Variants in PYGB observed in about 807,000 individuals in gnomAD.
PYGB encodes glycogen phosphorylase, brain form.
In PYGB, 82 loss-of-function variants were observed where a neutral mutation model predicts 94.3. The observed-to-expected ratio is 0.87, with a 90% CI of 0.73 to 1.04. PYGB has a LOEUF of 1.04. Ranked by LOEUF, PYGB falls within the 50% of genes least tolerant of loss-of-function variation. The pLI is 0.00. For synonymous variants in PYGB, 488 were observed against 479.1 expected (o/e 1.02, Z -0.24); for missense variants, 1,132 against 1,158.2 (o/e 0.98, Z 0.33).
rs746706246 is a variant in PYGB at position 25,290,502 on chromosome 20, G to T, written c.1849G>T (p.Ala617Ser). Reference sequence around the variant, plus strand: ...CCAGGCAGCGCCCGGTTACCACATGGCCAAGCTGATCATCAAGTTGGTCAC... The same window carrying T: ...CCAGGCAGCGCCCGGTTACCACATGTCCAAGCTGATCATCAAGTTGGTCAC... ...GGKAAPGYHM[A>S]KLIIKLVTSI... The change falls in exon 16 of 20, where the codon GCC becomes TCC. Residue 617 changes from alanine (A) to serine (S), a missense_variant. Physicochemically the swap from Ala to Ser is moderately conservative, Grantham distance 99 (BLOSUM62 1). Transcript: ENST00000216962. 1 of 1,609,882 alleles carries T rather than the reference G, an allele frequency of 6.2e-7. No homozygotes were observed. The highest frequency in any genetic ancestry group is 1.1e-5 in the South Asian group (1 of 90,992).
rs558759648 is a variant in PYGB at position 25,297,851 on chromosome 20, G to C, written c.*1329G>C. The C allele has an allele frequency of 6.6e-6, 1 of 152,252 alleles. No individual in the cohort carries two copies. Among genetic ancestry groups the C allele is most frequent in the East Asian group, 1.9e-4 (1 of 5,188 alleles). The allele number at this position is 152,252 out of a possible 1,614,324, so 9.4% of individuals were successfully genotyped here. ...TGAGTGGGGCAAGTGCTGGGCTGTG[G>C]TCGTGCCCTGACAGCATCTTCCCCA... On this transcript the variant is annotated 3_prime_UTR_variant, in exon 20 of 20. Coordinates refer to ENST00000216962, the MANE Select transcript of PYGB (RefSeq NM_002862.4).
At position 25,274,585 on chromosome 20, in the gene PYGB, T is replaced by C. The variant is rs1185641790; in HGVS notation, c.529-7T>C. 6.2e-7 allele frequency: 1 copy of C among 1,612,304 alleles called. No homozygotes were observed. The highest frequency in any genetic ancestry group is 2.2e-5 in the East Asian group (1 of 44,900). ...TGAGGGTGCCCTCACAGCTGGCTTC[T>C]TTCCAGGTAGAGGAGGCCGATGACT... On this transcript the variant is annotated splice_polypyrimidine_tract_variant and splice_region_variant and intron_variant, in intron 4 of 19. Coordinates refer to ENST00000216962, the MANE Select transcript of PYGB (RefSeq NM_002862.4).
rs141607955 is a variant in PYGB at position 25,275,371 on chromosome 20, G to A, written c.660+648G>A. 7.4e-4 allele frequency among the ~76,000 whole-genome samples: 112 copies of A among 152,350 alleles called. No individual in the cohort carries two copies. The South Asian group carries it at 7.9e-3, about 11-fold the overall frequency. ...CACCCAGTCCAGGCTCCGGGCAGCT[G>A]TAAGCCGGGATGACTGGGGCAGGGC... On this transcript the variant is annotated intron_variant, in intron 5 of 19. Transcript: ENST00000216962.
chr20:25,278,556 T>C, intron 8 of PYGB, 94 bp downstream of exon 8: 1 of 1,513,178 alleles, frequency 6.6e-7, no homozygotes, highest in Non-Finnish European at 9.0e-7. Context: ...GGGGCTAGAG[T>C]GGAATGGTAC....
chr20:25,294,301 G>A lies in PYGB; in HGVS notation c.2312+9G>A, dbSNP rs200921970. The A allele has an allele frequency of 5.2e-4, 588 of 1,125,182 alleles. 2 individuals carry two copies. The highest frequency in any genetic ancestry group is 5.2e-3 in the African/African-American group (318 of 61,618). The allele number at this position is 1,125,182 out of a possible 1,614,324, so 69.7% of individuals were successfully genotyped here. On this transcript the variant is annotated intron_variant, in intron 18 of 19. Coordinates refer to ENST00000216962, the MANE Select transcript of PYGB (RefSeq NM_002862.4). ...CTGATGCACCATGACAGGTGGGACC[G>A]ACTTCCCTGGTTGGGTGGCTGGGAG...
At chr20:25,260,975 G>C (rs952504488) in intron 2 of PYGB, among the ~76,000 whole-genome samples, 1 of 152,238 alleles carries the variant, frequency 6.6e-6, no homozygotes, top group Non-Finnish European at 1.5e-5. Context: ...AAACAGAGCA[G>C]CCGGGAAGCT....
Position 25,250,223 on chromosome 20 carries a change from T to G in PYGB, c.243+1802T>G, listed in dbSNP as rs140121744. On this transcript the variant is annotated intron_variant, in intron 1 of 19. Coordinates refer to ENST00000216962, the MANE Select transcript of PYGB (RefSeq NM_002862.4). ...TGCCTTCACATTCAAGGGCATTTCC[T>G]TGGAGCTGGACCAGGACTCAGCTCT... is the stretch of plus-strand genomic sequence containing the variant. Among the ~76,000 whole-genome samples the G allele has an allele frequency of 6.8e-3, 1,030 of 152,274 alleles. 12 individuals carry two copies. Among genetic ancestry groups the G allele is most frequent in the Non-Finnish European group, 0.011 (775 of 68,014 alleles).
chr20:25,289,243 C>T (rs886899943), intron 15 of PYGB, among the ~76,000 whole-genome samples: 6 of 152,266 alleles, frequency 3.9e-5, no homozygotes, highest in Admixed American at 6.5e-5. Context: ...CCACTCCTGT[C>T]ACCTGCTGTT....
intron 2 of PYGB, among the ~76,000 whole-genome samples, chr20:25,264,611 A>G (rs552135339): frequency 6.6e-6 from 1 of 152,310 alleles, no homozygotes; most frequent in African/African-American, 2.4e-5. Flanking sequence ...AAAAATCACA[A>G]GCATTCCTAT....
chr20:25,252,154 A>G (rs1470773667), intron 1 of PYGB, among the ~76,000 whole-genome samples: 1 of 152,190 alleles, frequency 6.6e-6, no homozygotes, highest in East Asian at 1.9e-4. Flanking sequence ...TCTGACCAGT[A>G]GCTGATGGTG....
intron 15 of PYGB, 173 bp downstream of exon 15, chr20:25,288,656 TGG>T: frequency 1.4e-6 from 1 of 731,068 alleles, no homozygotes; most frequent in South Asian, 1.8e-5. Context: ...AGAGTCAGAA[TGG>T]GATGGAAGCC....
Position 25,271,381 on chromosome 20 carries a change from A to G in PYGB, c.425-2A>G, listed in dbSNP as rs1230070734. ...TGACTGATTTGTGATTGATTTTTTC[A>G]GCGTGTTTCCTTGACTCAATGGCTA... On this transcript the variant is annotated splice_acceptor_variant, in intron 3 of 19. Coordinates refer to ENST00000216962, the MANE Select transcript of PYGB (RefSeq NM_002862.4). LOFTEE classifies it high-confidence loss of function. 6.2e-7 allele frequency: 1 copy of G among 1,613,662 alleles called. No homozygotes were observed. The highest frequency in any genetic ancestry group is 8.5e-7 in the Non-Finnish European group (1 of 1,179,748).
At chr20:25,295,522 T>G in intron 18 of PYGB, 82 bp from the exon 19 acceptor site, 1 of 1,482,366 alleles carries the variant, frequency 6.7e-7, no homozygotes, top group East Asian at 2.3e-5. Flanking sequence ...GTGCCTGGCC[T>G]CCTGCCCTGG....
rs201041543 is a variant in PYGB, at chr20:25,280,430, T to G, written c.1239+18T>G. 249 of 1,613,460 alleles carry G rather than the reference T, an allele frequency of 1.5e-4. No homozygotes were observed. In the African/African-American group the frequency reaches 3.0e-3, roughly 19 times the overall value. On this transcript the variant is annotated intron_variant, in intron 10 of 19. Transcript: ENST00000216962. ...ACCTGGACGTGAGTGTGGGCCCAGC[T>G]GGCCGTGTAGGGTGGCGGCTACACC...
chr20:25,256,252 T>TG, intron 1 of PYGB, among the ~76,000 whole-genome samples: 1 of 152,198 alleles, frequency 6.6e-6, no homozygotes, highest in East Asian at 1.9e-4. Context: ...CAGAGTCTGT[T>TG]AACTCCTAAG....
intron 5 of PYGB, 23 bp downstream of exon 5, chr20:25,274,746 G>A (rs1161461833): frequency 2.5e-6 from 4 of 1,606,488 alleles, no homozygotes; most frequent in African/African-American, 1.3e-5. Flanking sequence ...AAATGTCTGC[G>A]GGCAAGGCTG....
intron 9 of PYGB, among the ~76,000 whole-genome samples, 165 bp downstream of exon 9, chr20:25,279,314 A>G (rs1482750657): frequency 1.3e-5 from 2 of 151,814 alleles, no homozygotes; most frequent in African/African-American, 4.8e-5. Flanking sequence ...GTTCCAGGAG[A>G]CGGAGGTTCC....
In PYGB at chr20:25,279,165, A is replaced by T. The variant is rs755583458; in HGVS notation, c.1092+16A>T. 1 of 1,611,928 alleles carries T rather than the reference A, an allele frequency of 6.2e-7. No individual in the cohort carries two copies. The highest frequency in any genetic ancestry group is 8.5e-7 in the Non-Finnish European group (1 of 1,178,600). On this transcript the variant is annotated intron_variant, in intron 9 of 19. Transcript: ENST00000216962. ...CTGGGACAAGGTGAGCATGGAGGAA[A>T]AGGGCGGCACCTCCCCAGAGCCTGG...
intron 18 of PYGB, chr20:25,294,877 G>A: frequency 7.1e-7 from 1 of 1,399,416 alleles, no homozygotes; most frequent in South Asian, 1.2e-5. Flanking sequence ...TCCGGCGAGG[G>A]CTGGGAATTC....
Sources: allele counts gnomAD v4.1 joint callset (sites outside exome capture counted in the v4.1 genomes callset), GRCh38; gene constraint gnomAD v4.1.1; transcripts MANE v1.5; gene names NCBI Gene and HGNC (gene_info 2026-07-23, HGNC 2026-07-21).